Variants in CD99L2 observed in about 807,000 individuals in gnomAD.
The protein encoded by CD99L2 is CD99 antigen-like protein 2.
In CD99L2, 24 loss-of-function variants were observed where a neutral mutation model predicts 27.3. The ratio of observed to expected loss-of-function variants is 0.88; its 90% CI spans 0.64 to 1.24. The LOEUF is 1.24. Ranked by LOEUF, CD99L2 falls within the 50% of genes most tolerant of loss-of-function variation. The pLI is 0.00. For synonymous variants in CD99L2, 97 were observed against 87.9 expected (o/e 1.10, Z -0.58); for missense variants, 255 against 221.6 (o/e 1.15, Z -0.96).
chrX:150,841,372 A>T (rs911573088), intron 1 of CD99L2, among the ~76,000 whole-genome samples: 1 of 112,486 alleles, frequency 8.9e-6, no homozygotes, highest in Non-Finnish European at 1.9e-5. Flanking sequence ...TGGTAACAGT[A>T]GTTATGTTTA....
intron 9 of CD99L2, among the ~76,000 whole-genome samples, chrX:150,770,820 G>C (rs1217423516): frequency 8.9e-6 from 1 of 112,496 alleles, no homozygotes; most frequent in Non-Finnish European, 1.9e-5. Context: ...TCAGCATGTA[G>C]ATGCAGCAAA....
rs782292411 is a variant in CD99L2 at position 150,890,146 on chromosome X, G to A, written c.67+8376C>T. 7.7e-3 allele frequency among the ~76,000 whole-genome samples: 638 copies of A among 82,416 alleles called. 2 individuals are homozygous for A. Among genetic ancestry groups the A allele is most frequent in the Non-Finnish European group, 9.0e-3 (424 of 47,111 alleles). The allele number at this position is 82,416 out of a possible 115,157, so 71.6% of individuals were successfully genotyped here. ...CCAGACTGGGCGAGAGCGAGACTCC[G>A]TCTCAAAATAAATAAATAAATAAAT... On this transcript the variant is annotated intron_variant, in intron 1 of 10. Coordinates refer to ENST00000370377, the MANE Select transcript of CD99L2 (RefSeq NM_031462.4).
At chrX:150,824,375 AAG>A (rs782393924) in intron 2 of CD99L2, among the ~76,000 whole-genome samples, 4 of 94,590 alleles carry the variant, frequency 4.2e-5, no homozygotes, top group Admixed American at 1.1e-4. Flanking sequence ...GAAGAAGAAG[AAG>A]AAGAAAGAAG....
At chrX:150,894,071 T>G (rs905017139) in intron 1 of CD99L2, among the ~76,000 whole-genome samples, 1 of 111,373 alleles carries the variant, frequency 9.0e-6, no homozygotes, top group Non-Finnish European at 1.9e-5. Context: ...TTCACATATT[T>G]TGCAATCATA....
intron 7 of CD99L2, among the ~76,000 whole-genome samples, chrX:150,791,274 T>C (rs782514351): frequency 8.9e-6 from 1 of 112,070 alleles, no homozygotes; most frequent in South Asian, 3.8e-4. Flanking sequence ...TCTGTCTGCT[T>C]AGACAGTCTA....
At chrX:150,842,575 C>T (rs1162469644) in intron 1 of CD99L2, among the ~76,000 whole-genome samples, 4 of 111,737 alleles carry the variant, frequency 3.6e-5, no homozygotes, top group African/African-American at 1.3e-4. Context: ...TTCATTCCCT[C>T]CTCTGTTGTT....
intron 1 of CD99L2, among the ~76,000 whole-genome samples, chrX:150,887,766 C>T (rs1465859992): frequency 8.9e-6 from 1 of 111,915 alleles, no homozygotes; most frequent in Non-Finnish European, 1.9e-5. Flanking sequence ...AGAACCCGAC[C>T]GCTGAGGACA....
chrX:150,831,153 T>G, intron 2 of CD99L2, 78 bp downstream of exon 2: 2 of 792,782 alleles, frequency 2.5e-6, no homozygotes, highest in Non-Finnish European at 3.7e-6. Flanking sequence ...TCATTTTTCT[T>G]GCGCATATAT....
At chrX:150,818,525 G>T (rs1377121208) in intron 2 of CD99L2, among the ~76,000 whole-genome samples, 1 of 105,390 alleles carries the variant, frequency 9.5e-6, no homozygotes, top group Non-Finnish European at 2.0e-5. Context: ...ACAACCAATA[G>T]GTCAAAAAAA....
rs1285795010 is a variant in CD99L2 at position 150,795,061 on chromosome X, G to A, written c.430+145C>T. 1.6e-5 allele frequency: 9 copies of A among 564,531 alleles called. No individual in the cohort carries two copies. The Admixed American group carries it at 2.1e-4, about 13-fold the overall frequency. The allele number at this position is 564,531 out of a possible 1,213,427, so 46.5% of individuals were successfully genotyped here. ...TCTTGAGATCTCAATGATTTCAGGA[G>A]TCCCCAGACCAAAAAAGTTTGAGTA... On this transcript the variant is annotated intron_variant, in intron 6 of 10. Coordinates refer to ENST00000370377, the MANE Select transcript of CD99L2 (RefSeq NM_031462.4).
chrX:150,776,219 T>G lies in CD99L2; in HGVS notation c.610A>C (p.Ser204Arg), dbSNP rs2043549413. 8.3e-7 allele frequency: 1 copy of G among 1,210,161 alleles called. No individual in the cohort carries two copies. Among genetic ancestry groups the G allele is most frequent in the Admixed American group, 2.2e-5 (1 of 45,927 alleles). ...LAMALIGAVS[S>R]YISYQQKKFC... ...TTCTTCTGCTGGTAGGAGATGTAGC[T>G]GGAGACGGCACCGATGAGGGCCATG... The change falls in exon 9 of 11, where the codon AGC (serine) becomes CGC (arginine). Residue 204 changes from serine (S) to arginine (R), a missense_variant. Ser to Arg is a moderately radical substitution (Grantham distance 110). Transcript: ENST00000370377.
At chrX:150,887,141 C>CAA (rs58847466) in intron 1 of CD99L2, among the ~76,000 whole-genome samples, 1,608 of 78,662 alleles carry the variant, frequency 0.02, 46 homozygotes, top group African/African-American at 0.068. Context: ...GAGACTCTGT[C>CAA]AAAAAAAAAA....
intron 7 of CD99L2, among the ~76,000 whole-genome samples, chrX:150,789,679 G>A (rs1365385056): frequency 1.8e-5 from 2 of 111,374 alleles, no homozygotes; most frequent in African/African-American, 3.3e-5. Context: ...GAGCCCAGGA[G>A]CTCGAGACCA....
At chrX:150,833,230 T>C (rs1045294680) in intron 1 of CD99L2, among the ~76,000 whole-genome samples, 2 of 110,719 alleles carry the variant, frequency 1.8e-5, no homozygotes, top group Non-Finnish European at 3.8e-5. Flanking sequence ...AAGAAAATAC[T>C]GAGTAGCAAA....
chrX:150,769,160 A>AT (rs1451889298), intron 10 of CD99L2, 59 bp from the exon 11 acceptor site: 10 of 1,105,378 alleles, frequency 9.0e-6, no homozygotes, highest in Non-Finnish European at 9.6e-6. Flanking sequence ...GAAGAAGCAA[A>AT]TACAGCAGCA....
At chrX:150,896,166 G>A (rs1055959953) in intron 1 of CD99L2, among the ~76,000 whole-genome samples, 2 of 111,611 alleles carry the variant, frequency 1.8e-5, no homozygotes, top group Non-Finnish European at 3.8e-5. Context: ...TTGGGAGGCC[G>A]AGGCGGGCGG....
At chrX:150,845,828 A>T (rs1296396934) in intron 1 of CD99L2, among the ~76,000 whole-genome samples, 1 of 112,667 alleles carries the variant, frequency 8.9e-6, no homozygotes, top group Non-Finnish European at 1.9e-5. Flanking sequence ...TTAGGGTCCC[A>T]TGATAACCCT....
At chrX:150,845,038 T>C (rs782242061) in intron 1 of CD99L2, among the ~76,000 whole-genome samples, 13 of 112,647 alleles carry the variant, frequency 1.2e-4, no homozygotes, top group African/African-American at 4.2e-4. Flanking sequence ...GGATTTTTTT[T>C]CTTTTTTAAC....
chrX:150,779,816 AT>A (rs1273788613), intron 7 of CD99L2, among the ~76,000 whole-genome samples: 1 of 112,366 alleles, frequency 8.9e-6, no homozygotes, highest in Non-Finnish European at 1.9e-5. Flanking sequence ...GACTTTCTAA[AT>A]ATGATCCTAA....
Sources: gnomAD v4.1 joint callset for allele counts (sites outside exome capture counted in the v4.1 genomes callset) on GRCh38, gnomAD v4.1.1 for gene constraint, MANE v1.5 for transcripts, NCBI Gene and HGNC (gene_info 2026-07-23, HGNC 2026-07-21) for gene names.